The following AMTN variants were observed in gnomAD, a reference collection of about 807,000 sequenced individuals.
AMTN encodes the protein RSTI689.
A neutral mutation model predicts 27.4 loss-of-function variants in AMTN; 29 were observed. The observed-to-expected ratio is 1.06, with a 90% CI of 0.79 to 1.44. The LOEUF (loss-of-function observed/expected upper bound fraction) is 1.44, where lower values mean the gene tolerates loss of function less well. AMTN is among the 40% of genes most tolerant of loss of function. The pLI is 0.00. For synonymous variants in AMTN, 86 were observed against 95.7 expected, an observed-to-expected ratio of 0.90 and a Z score of 0.59; for missense variants, 247 against 248.8, an observed-to-expected ratio of 0.99 and a Z score of 0.05.
At chr4:70,528,091 G>A (rs968300499) in intron 5 of AMTN, among the ~76,000 whole-genome samples, 5 of 152,094 alleles carry the variant, frequency 3.3e-5, no homozygotes, top group African/African-American at 1.2e-4. Flanking sequence ...AAAGAAATCT[G>A]TACATTTTAA....
At chr4:70,528,801 G>T (rs1199379718) in intron 6 of AMTN, 43 bp downstream of exon 6, 1 of 1,498,968 alleles carries the variant, frequency 6.7e-7, no homozygotes, top group Admixed American at 2.1e-5. Flanking sequence ...AAATCACCTT[G>T]CTGTGAAAGG....
At chr4:70,524,032 A>C in intron 4 of AMTN, 99 bp downstream of exon 4, 7 of 924,842 alleles carry the variant, frequency 7.6e-6, no homozygotes, top group Non-Finnish European at 1.2e-5. Context: ...GTATATCCAC[A>C]AATGAAAACA....
At chr4:70,522,114 G>A (rs1735986036) in intron 2 of AMTN, among the ~76,000 whole-genome samples, 1 of 152,130 alleles carries the variant, frequency 6.6e-6, no homozygotes, top group Non-Finnish European at 1.5e-5. Flanking sequence ...GAGACTAAGA[G>A]CACTTAGAGG....
intron 2 of AMTN, among the ~76,000 whole-genome samples, chr4:70,519,845 G>A (rs993807359): frequency 6.6e-6 from 1 of 151,852 alleles, no homozygotes; most frequent in Non-Finnish European, 1.5e-5. Flanking sequence ...GGGATTATGC[G>A]GGGGGAGGAT....
intron 7 of AMTN, among the ~76,000 whole-genome samples, chr4:70,530,112 G>T (rs1406307012): frequency 6.6e-6 from 1 of 152,116 alleles, no homozygotes; most frequent in East Asian, 1.9e-4. Context: ...ACAATGAGAA[G>T]AAAAGAGTGG....
chr4:70,525,989 T>C (rs187364347), intron 5 of AMTN, among the ~76,000 whole-genome samples: 1 of 152,274 alleles, frequency 6.6e-6, no homozygotes, highest in African/African-American at 2.4e-5. Context: ...TAACTTATTC[T>C]CCCCAACATG....
At chr4:70,526,396 T>G (rs1328115788) in intron 5 of AMTN, among the ~76,000 whole-genome samples, 1 of 151,690 alleles carries the variant, frequency 6.6e-6, no homozygotes, top group Non-Finnish European at 1.5e-5. Flanking sequence ...AATTTGGGGG[T>G]TTTTCCAAAG....
Position 70,523,931 on chromosome 4 carries a change from C to CTGGTAAGT in AMTN, c.203_204+6dup, listed in dbSNP as rs1158015742. The CTGGTAAGT allele has an allele frequency of 6.2e-7, 1 of 1,611,636 alleles. No homozygotes were observed. Among genetic ancestry groups the CTGGTAAGT allele is most frequent in the East Asian group, 2.2e-5 (1 of 44,866 alleles). ...GCTCACACTGGGGCCAGATCTGCAT[C>CTGGTAAGT]TGGTAAGTGATTGTTTATATTATTT... On this transcript the variant is annotated frameshift_variant and splice_region_variant, in exon 4 of 9. Transcript: ENST00000339336. LOFTEE classifies it high-confidence loss of function.
chr4:70,520,311 C>A lies in AMTN; in HGVS notation c.54+1480C>A, dbSNP rs13151614. On this transcript the variant is annotated intron_variant, in intron 2 of 8. Coordinates refer to ENST00000339336, the MANE Select transcript of AMTN (RefSeq NM_212557.4). ...GGAAACAATACCAAATGAAACATCA[C>A]GACACATAGACAAGGTATTTTTTAT... is the stretch of plus-strand genomic sequence containing the variant. Among the ~76,000 whole-genome samples, 161 of 152,062 alleles carry A rather than the reference C, an allele frequency of 1.1e-3. 3 individuals carry two copies. The highest frequency in any genetic ancestry group is 3.6e-3 in the African/African-American group (149 of 41,458).
rs954828946 is a variant in AMTN, at chr4:70,528,664, A to G, written c.295-59A>G. On this transcript the variant is annotated intron_variant, in intron 5 of 8. Coordinates refer to ENST00000339336, the MANE Select transcript of AMTN (RefSeq NM_212557.4). ...GACTCCATCTCCAAAAAAAGATATC[A>G]GTATTTATACCATCTTCCAGAGCTT... 6 of 1,457,984 alleles carry G rather than the reference A, an allele frequency of 4.1e-6. No homozygotes were observed. In the African/African-American group the frequency reaches 7.1e-5, roughly 17 times the overall value. 90.3% of individuals were successfully genotyped at this position (1,457,984 alleles called of 1,614,324 possible).
At chr4:70,531,755 A>G (rs1736231032) in intron 8 of AMTN, among the ~76,000 whole-genome samples, 1 of 152,026 alleles carries the variant, frequency 6.6e-6, no homozygotes, top group Non-Finnish European at 1.5e-5. Flanking sequence ...CAAGTGATGC[A>G]CCCACCTCGG....
At chr4:70,530,930 G>C in intron 7 of AMTN, 109 bp from the exon 8 acceptor site, 1 of 1,440,750 alleles carries the variant, frequency 6.9e-7, no homozygotes, top group South Asian at 1.4e-5. Flanking sequence ...TGTCTTCTCT[G>C]ACTTTACTCT....
chr4:70,525,412 T>A (rs1736080958), intron 5 of AMTN, among the ~76,000 whole-genome samples: 2 of 152,270 alleles, frequency 1.3e-5, no homozygotes, highest in South Asian at 2.1e-4. Flanking sequence ...CCCTTGAAAG[T>A]CCCCAAGGAC....
intron 4 of AMTN, among the ~76,000 whole-genome samples, chr4:70,524,282 A>C (rs1376247266): frequency 6.6e-6 from 1 of 152,166 alleles, no homozygotes; most frequent in Non-Finnish European, 1.5e-5. Flanking sequence ...ATCACCCACA[A>C]TGACAGGAGC....
At chr4:70,531,982 C>A (rs1006776873) in intron 8 of AMTN, among the ~76,000 whole-genome samples, 6 of 152,188 alleles carry the variant, frequency 3.9e-5, no homozygotes, top group African/African-American at 1.4e-4. Flanking sequence ...GTTGGCATAA[C>A]ACATGTTCCA....
At chr4:70,518,877 A>G in intron 2 of AMTN, 46 bp downstream of exon 2, 1 of 1,488,920 alleles carries the variant, frequency 6.7e-7, no homozygotes, top group Non-Finnish European at 9.4e-7. Flanking sequence ...TTTCAACAGC[A>G]TCTCTAGCTG....
At chr4:70,528,028 A>G (rs1025461123) in intron 5 of AMTN, among the ~76,000 whole-genome samples, 3 of 152,202 alleles carry the variant, frequency 2.0e-5, no homozygotes, top group African/African-American at 7.2e-5. Context: ...AGAAATCTTC[A>G]CATTTGAAAA....
intron 5 of AMTN, among the ~76,000 whole-genome samples, chr4:70,528,160 T>G (rs1736138231): frequency 6.6e-6 from 1 of 152,216 alleles, no homozygotes; most frequent in African/African-American, 2.4e-5. Context: ...AATTTTTTTT[T>G]GTTGTTTATC....
Position 70,528,753 on chromosome 4 carries a change from G to C in AMTN, c.325G>C (p.Ala109Pro). Residue 109 changes from alanine to proline, a missense_variant, in exon 6 of 9, where the codon GCC becomes CCC. By Grantham distance (27) the Ala-to-Pro change is conservative (BLOSUM62 -1). Coordinates refer to ENST00000339336, the MANE Select transcript of AMTN (RefSeq NM_212557.4). Reference sequence around the variant, plus strand: ...ACCAATTTTTGTCACACAACTTGGAGCCCAGGTAAAAATTATGCTTAATAT... The same window carrying C: ...ACCAATTTTTGTCACACAACTTGGACCCCAGGTAAAAATTATGCTTAATAT... ...VLPIFVTQLGAQGTILSSEEL... is the reference protein window; with the variant it reads ...VLPIFVTQLGPQGTILSSEEL... The C allele has an allele frequency of 1.3e-6, 2 of 1,594,646 alleles. No individual in the cohort carries two copies.
Sources: gnomAD v4.1 joint callset for allele counts (sites outside exome capture counted in the v4.1 genomes callset) on GRCh38, gnomAD v4.1.1 for gene constraint, MANE v1.5 for transcripts, NCBI Gene and HGNC (gene_info 2026-07-23, HGNC 2026-07-21) for gene names.